SIPA1L3: variants seen among roughly 807,000 people sequenced by gnomAD.
SIPA1L3 encodes signal induced proliferation associated 1 like 3, also known as signal-induced proliferation-associated 1-like protein 3.
Under a neutral mutation model 150.1 loss-of-function variants are expected in SIPA1L3, and 59 were observed. The observed-to-expected ratio is 0.39, with a 90% CI of 0.32 to 0.49. The LOEUF is 0.49. SIPA1L3 is among the 20% of genes least tolerant of loss of function. SIPA1L3 has a pLI of 0.86. For synonymous variants in SIPA1L3, 1,070 were observed against 1,077.6 expected (o/e 0.99, Z 0.14); for missense variants, 2,211 against 2,489.5 (o/e 0.89, Z 2.38).
intron 1 of SIPA1L3, among the ~76,000 whole-genome samples, chr19:37,948,958 G>A (rs567371772): frequency 1.3e-5 from 2 of 152,330 alleles, no homozygotes; most frequent in Admixed American, 1.3e-4. Flanking sequence ...AGATGCCACT[G>A]TGGCAGGAGG....
At chr19:38,114,103 A>C (rs1568557065) in intron 8 of SIPA1L3, among the ~76,000 whole-genome samples, 1 of 152,126 alleles carries the variant, frequency 6.6e-6, no homozygotes, top group African/African-American at 2.4e-5. Flanking sequence ...TGTCACTATA[A>C]GCAGCTAAGT....
rs925569471 is a variant in SIPA1L3 at position 38,081,918 on chromosome 19, G to A, written c.353G>A (p.Arg118Lys). ...TKATKMAHSM[R>K]SIQNGQPPTS... The stretch of plus-strand genomic sequence containing the variant: ...GCCACCAAGATGGCCCATTCCATGA[G>A]GAGCATACAGAACGGACAGCCCCCC... The change falls in exon 3 of 22, where the codon AGG becomes AAG. Residue 118 changes from arginine (R) to lysine (K), a missense_variant. Transcript: ENST00000222345. 6.2e-7 allele frequency: 1 copy of A among 1,614,124 alleles called. No individual in the cohort carries two copies. The highest frequency in any genetic ancestry group is 1.7e-5 in the Admixed American group (1 of 60,032).
intron 1 of SIPA1L3, among the ~76,000 whole-genome samples, chr19:37,925,884 G>T (rs142740924): frequency 1.2e-4 from 19 of 152,066 alleles, no homozygotes; most frequent in Non-Finnish European, 2.4e-4. Flanking sequence ...GAGCCATTGC[G>T]CCCGGCCGAT....
Position 38,182,746 on chromosome 19 carries a change from T to G in SIPA1L3, c.4430+6T>G. On this transcript the variant is annotated splice_donor_region_variant and intron_variant, in intron 16 of 21. Transcript: ENST00000222345. ...CCCTTCAGTGACCCAAAGAAGTAAG[T>G]GCCTGGACGTCCAGCGAGGCGCCCG... The G allele has an allele frequency of 6.2e-7, 1 of 1,605,704 alleles. No individual in the cohort carries two copies. The highest frequency in any genetic ancestry group is 8.5e-7 in the Non-Finnish European group (1 of 1,175,624).
intron 1 of SIPA1L3, among the ~76,000 whole-genome samples, chr19:38,021,684 G>C (rs1465727274): frequency 6.6e-6 from 1 of 152,122 alleles, no homozygotes; most frequent in East Asian, 1.9e-4. Context: ...TGGGGCTACA[G>C]GTGCACATCT....
intron 1 of SIPA1L3, chr19:37,964,652 C>CA (rs2046887035): frequency 1.3e-5 from 2 of 152,122 alleles, no homozygotes; most frequent in Admixed American, 6.6e-5. Context: ...GTGCCACCAC[C>CA]ACGCCTGGCT....
intron 2 of SIPA1L3, among the ~76,000 whole-genome samples, chr19:38,037,934 C>G (rs1186007850): frequency 3.3e-5 from 5 of 152,128 alleles, no homozygotes; most frequent in Non-Finnish European, 7.3e-5. Context: ...ACGGTGCCTT[C>G]ATCTTAAAGC....
At chr19:38,171,900 G>T (rs145172009) in intron 15 of SIPA1L3, among the ~76,000 whole-genome samples, 43 of 152,186 alleles carry the variant, frequency 2.8e-4, no homozygotes, top group African/African-American at 9.9e-4. Context: ...AGGCCCTGGA[G>T]GTAGGTAGGT....
At chr19:38,152,046 C>G (rs1971836285) in intron 12 of SIPA1L3, among the ~76,000 whole-genome samples, 1 of 151,730 alleles carries the variant, frequency 6.6e-6, no homozygotes, top group Non-Finnish European at 1.5e-5. Context: ...TCCCTTAAAT[C>G]CTAGCCTTGC....
intron 10 of SIPA1L3, among the ~76,000 whole-genome samples, chr19:38,134,794 G>A (rs1348387858): frequency 1.3e-5 from 2 of 151,750 alleles, no homozygotes; most frequent in Non-Finnish European, 2.9e-5. Flanking sequence ...CCAAGATACT[G>A]GATGTGAGGA....
intron 2 of SIPA1L3, among the ~76,000 whole-genome samples, chr19:38,071,239 A>G (rs1017717492): frequency 1.3e-5 from 2 of 151,518 alleles, no homozygotes; most frequent in Non-Finnish European, 2.9e-5. Flanking sequence ...CTATCTATCT[A>G]TCTATCTATC....
chr19:38,025,867 C>G (rs1176368729), intron 1 of SIPA1L3, among the ~76,000 whole-genome samples: 1 of 152,162 alleles, frequency 6.6e-6, no homozygotes, highest in Non-Finnish European at 1.5e-5. Context: ...AGCAACGGCC[C>G]AAGAGGCCAT....
At chr19:38,150,489 A>T (rs1161692173) in intron 12 of SIPA1L3, among the ~76,000 whole-genome samples, 2 of 151,044 alleles carry the variant, frequency 1.3e-5, no homozygotes, top group Non-Finnish European at 2.9e-5. Context: ...AGTTGAAAAT[A>T]CAGATGCCAG....
chr19:37,947,833 C>T (rs987157074), intron 1 of SIPA1L3, among the ~76,000 whole-genome samples: 1 of 152,190 alleles, frequency 6.6e-6, no homozygotes, highest in Non-Finnish European at 1.5e-5. Flanking sequence ...CCTGCAGTTT[C>T]TTGCCAAATC....
intron 1 of SIPA1L3, among the ~76,000 whole-genome samples, chr19:37,986,318 AC>A (rs540962397): frequency 1.3e-5 from 2 of 152,252 alleles, no homozygotes; most frequent in Non-Finnish European, 2.9e-5. Context: ...AGGATGTGCT[AC>A]ATAAGTGTTA....
At chr19:37,960,251 G>T (rs751382364) in intron 1 of SIPA1L3, among the ~76,000 whole-genome samples, 1 of 151,942 alleles carries the variant, frequency 6.6e-6, no homozygotes, top group Non-Finnish European at 1.5e-5. Flanking sequence ...CCTTTATTTT[G>T]CCTTGATTGA....
intron 13 of SIPA1L3, among the ~76,000 whole-genome samples, chr19:38,161,772 G>C (rs1339390064): frequency 6.6e-6 from 1 of 152,012 alleles, no homozygotes; most frequent in African/African-American, 2.4e-5. Flanking sequence ...AGGAGGCTAG[G>C]CATGGTGGCT....
chr19:38,052,148 A>G (rs1377473987), intron 2 of SIPA1L3, among the ~76,000 whole-genome samples: 2 of 152,336 alleles, frequency 1.3e-5, no homozygotes, highest in South Asian at 2.1e-4. Flanking sequence ...TTTCTATAAA[A>G]TCATCCTGTG....
At chr19:38,083,241 C>A (rs1389842370) in intron 3 of SIPA1L3, 142 bp downstream of exon 3, 23 of 896,228 alleles carry the variant, frequency 2.6e-5, no homozygotes, top group Non-Finnish European at 1.7e-6. Flanking sequence ...TTCTGGAGGG[C>A]TGTGAGGATC....
Sources: allele counts gnomAD v4.1 joint callset (sites outside exome capture counted in the v4.1 genomes callset), GRCh38; gene constraint gnomAD v4.1.1; transcripts MANE v1.5; gene names NCBI Gene and HGNC (gene_info 2026-07-23, HGNC 2026-07-21).